SLC14A2: variants seen among roughly 807,000 people sequenced by gnomAD.
SLC14A2 encodes urea transporter 2.
Under a neutral mutation model 104.6 loss-of-function variants are expected in SLC14A2, and 91 were observed. The ratio of observed to expected loss-of-function variants is 0.87; its 90% CI spans 0.73 to 1.04. The LOEUF is 1.04. Among genes scored for constraint, SLC14A2 ranks in the 50% least tolerant of loss-of-function variants. SLC14A2 has a pLI of 0.00. For missense variants in SLC14A2, 1,189 were observed against 1,156.0 expected (o/e 1.03, Z -0.41); for synonymous variants, 476 against 466.4 (o/e 1.02, Z -0.27).
chr18:45,530,857 A>G (rs892105349), intron 2 of SLC14A2, among the ~76,000 whole-genome samples: 1 of 147,916 alleles, frequency 6.8e-6, no homozygotes, highest in African/African-American at 2.5e-5. Context: ...CACTCCCCCC[A>G]CCCCACAACA....
intron 2 of SLC14A2, among the ~76,000 whole-genome samples, chr18:45,589,471 C>A (rs117947404): frequency 6.6e-6 from 1 of 152,136 alleles, no homozygotes; most frequent in Non-Finnish European, 1.5e-5. Flanking sequence ...TTATAATGCA[C>A]GTTTAGTGTT....
intron 2 of SLC14A2, among the ~76,000 whole-genome samples, chr18:45,515,222 A>G (rs1278488022): frequency 6.6e-6 from 1 of 152,242 alleles, no homozygotes; most frequent in Non-Finnish European, 1.5e-5. Context: ...TAATACAACT[A>G]TGAAATCTGG....
chr18:45,268,397 A>C (rs1459425113), intron 1 of SLC14A2, among the ~76,000 whole-genome samples: 1 of 152,232 alleles, frequency 6.6e-6, no homozygotes, highest in African/African-American at 2.4e-5. Flanking sequence ...ATATAGCAAA[A>C]AAGAGATCAA....
chr18:45,576,026 CATAA>C (rs2044414045), intron 2 of SLC14A2, among the ~76,000 whole-genome samples: 1 of 152,258 alleles, frequency 6.6e-6, no homozygotes, highest in East Asian at 1.9e-4. Flanking sequence ...CTTAAAGAGT[CATAA>C]ATAGTGATTT....
rs752649532 is a variant in SLC14A2 at position 45,667,838 on chromosome 18, T to G, written c.1723T>G (p.Ser575Ala). ...KECGEGLKDK[S>A]PVFQFFDWVL... ...CTGCCCCGGTTCCATTTCAGACAAG[T>G]CCCCAGTGTTCCAGTTCTTTGACTG... The change falls in exon 14 of 20, where the codon TCC becomes GCC. Residue 575 changes from serine to alanine, a missense_variant. By Grantham distance (99) the Ser-to-Ala change is moderately conservative. Coordinates refer to ENST00000255226, the MANE Select transcript of SLC14A2 (RefSeq NM_007163.4). 3 of 1,613,862 alleles carry G rather than the reference T, an allele frequency of 1.9e-6. No homozygotes were observed. The highest frequency in any genetic ancestry group is 4.5e-5 in the East Asian group (2 of 44,886).
chr18:45,412,294 C>T lies in SLC14A2; in HGVS notation c.-124-70939C>T, dbSNP rs554171189. On this transcript the variant is annotated intron_variant, in intron 1 of 20. Coordinates refer to the SLC14A2 transcript ENST00000586448. ...TGTTTTATCCTGGGAAATCAGTGTA[C>T]CTCCCATAGGTATTTTTGTTCACCG... Among the ~76,000 whole-genome samples the T allele has an allele frequency of 4.6e-5, 7 of 152,248 alleles. 1 individual carries two copies. The South Asian group carries it at 1.5e-3, about 32-fold the overall frequency.
chr18:45,173,847 A>G, the SLC14A2 span, among the ~76,000 whole-genome samples: 28 of 152,162 alleles, frequency 1.8e-4, no homozygotes, highest in Admixed American at 1.8e-3. Flanking sequence ...GAGATGCTGC[A>G]ACACAGCCCT....
chr18:45,391,135 T>C (rs189327828), intron 1 of SLC14A2, among the ~76,000 whole-genome samples: 32 of 152,246 alleles, frequency 2.1e-4, no homozygotes, highest in Admixed American at 1.2e-3. Context: ...TGTGTCCATG[T>C]GTTCTCATTG....
rs2046180301 is a variant in SLC14A2 at position 45,673,769 on chromosome 18, A to G, written c.2464A>G (p.Met822Val). 3 of 1,614,208 alleles carry G rather than the reference A, an allele frequency of 1.9e-6. No individual in the cohort carries two copies. Among genetic ancestry groups the G allele is most frequent in the Non-Finnish European group, 2.5e-6 (3 of 1,180,026 alleles). Residue 822 changes from methionine to valine, a missense_variant, in exon 18 of 20, where the codon ATG (methionine) becomes GTG (valine). Coordinates refer to ENST00000255226, the MANE Select transcript of SLC14A2 (RefSeq NM_007163.4). ...CCTCGCATGCATAGCGATAGGAGGC[A>G]TGTTCTACGTCATCACCTGGCAGAC... ...STLACIAIGGMFYVITWQTHL... is the reference protein window; with the variant it reads ...STLACIAIGGVFYVITWQTHL...
At chr18:45,387,274 G>C (rs2612574) in intron 1 of SLC14A2, among the ~76,000 whole-genome samples, 80,500 of 152,108 alleles carry the variant, frequency 0.53, 25,674 homozygotes, top group East Asian at 0.86. Flanking sequence ...AAGCAACCCC[G>C]TATTTCAAAG....
At chr18:45,486,828 A>G (rs1210942223) in intron 2 of SLC14A2, among the ~76,000 whole-genome samples, 2 of 152,224 alleles carry the variant, frequency 1.3e-5, no homozygotes, top group Non-Finnish European at 2.9e-5. Flanking sequence ...GTTGCAAAGT[A>G]GGTAATCCAT....
At chr18:45,211,992 T>C (rs1452732390), upstream of SLC14A2, among the ~76,000 whole-genome samples, 3 of 152,212 alleles carry the variant, frequency 2.0e-5, no homozygotes, top group African/African-American at 7.2e-5. Flanking sequence ...ATTTGATATA[T>C]CTACTTTAAA....
intron 2 of SLC14A2, among the ~76,000 whole-genome samples, chr18:45,509,995 A>T (rs1264772845): frequency 1.3e-5 from 2 of 151,750 alleles, no homozygotes; most frequent in South Asian, 4.2e-4. Context: ...CCATAATCCT[A>T]CCCCCTGTTA....
At chr18:45,499,577 G>A (rs2043158184) in intron 2 of SLC14A2, among the ~76,000 whole-genome samples, 1 of 152,202 alleles carries the variant, frequency 6.6e-6, no homozygotes, top group African/African-American at 2.4e-5. Context: ...CGGGATTGTT[G>A]TAAAGATTAA....
At chr18:45,556,308 T>G (rs2144297707) in intron 2 of SLC14A2, among the ~76,000 whole-genome samples, 1 of 152,278 alleles carries the variant, frequency 6.6e-6, no homozygotes. Flanking sequence ...ATCATATATT[T>G]TAGTGTTTTA....
chr18:45,363,240 T>C (rs576171630), intron 1 of SLC14A2, among the ~76,000 whole-genome samples: 1 of 152,106 alleles, frequency 6.6e-6, no homozygotes, highest in Non-Finnish European at 1.5e-5. Flanking sequence ...CCACAGAAGC[T>C]GGAGTTAGGG....
At chr18:45,459,360 G>A (rs755452864) in intron 1 of SLC14A2, among the ~76,000 whole-genome samples, 3 of 152,168 alleles carry the variant, frequency 2.0e-5, no homozygotes, top group South Asian at 2.1e-4. Context: ...TGCTGTAGAG[G>A]AGGATAAAAC....
chr18:45,221,313 A>G (rs1265757188), intron 1 of SLC14A2, among the ~76,000 whole-genome samples: 1 of 152,110 alleles, frequency 6.6e-6, no homozygotes, highest in African/African-American at 2.4e-5. Flanking sequence ...CTAGCCTCAC[A>G]TCCTTATTGC....
At chr18:45,405,897 G>GA (rs11315024) in intron 1 of SLC14A2, among the ~76,000 whole-genome samples, 50,500 of 128,594 alleles carry the variant, frequency 0.39, 11,480 homozygotes, top group Non-Finnish European at 0.53. Flanking sequence ...ACTCCATCTC[G>GA]AAAAAAAAAA....
Sources: allele counts gnomAD v4.1 joint callset (sites outside exome capture counted in the v4.1 genomes callset), GRCh38; gene constraint gnomAD v4.1.1; transcripts MANE v1.5; gene names NCBI Gene and HGNC (gene_info 2026-07-23, HGNC 2026-07-21).